NWD2: variants seen among roughly 807,000 people sequenced by gnomAD.
NWD2 encodes NACHT and WD repeat domain-containing protein 2.
A neutral mutation model predicts 132.7 loss-of-function variants in NWD2; 37 were observed. The ratio of observed to expected loss-of-function variants is 0.28; its 90% CI spans 0.21 to 0.37. The LOEUF (loss-of-function observed/expected upper bound fraction) is 0.37, where lower values mean the gene tolerates loss of function less well. Ranked by LOEUF, NWD2 falls within the 10% of genes least tolerant of loss-of-function variation. The pLI is 1.00. For synonymous variants in NWD2, 705 were observed against 803.0 expected (o/e 0.88, Z 2.06); for missense variants, 1,592 against 2,122.4 (o/e 0.75, Z 4.91).
chr4:37,386,269 C>G (rs548270751), intron 3 of NWD2, among the ~76,000 whole-genome samples: 5 of 150,220 alleles, frequency 3.3e-5, no homozygotes, highest in Admixed American at 3.3e-4. Context: ...AACTACAGTA[C>G]ACACACACAC....
At chr4:37,414,915 TAAGGGAGCAC>T (rs1711543495) in intron 3 of NWD2, among the ~76,000 whole-genome samples, 1 of 152,178 alleles carries the variant, frequency 6.6e-6, no homozygotes, top group Non-Finnish European at 1.5e-5. Context: ...ATTTTACAGA[TAAGGGAGCAC>T]ACTGGAGCAC....
chr4:37,380,341 T>C (rs2109308274), intron 3 of NWD2, among the ~76,000 whole-genome samples: 2 of 152,334 alleles, frequency 1.3e-5, no homozygotes, highest in South Asian at 4.1e-4. Context: ...AGATGTTATT[T>C]TGGGGGAGAC....
chr4:37,425,907 A>G (rs554799266), intron 3 of NWD2, among the ~76,000 whole-genome samples: 2 of 152,296 alleles, frequency 1.3e-5, no homozygotes, highest in South Asian at 2.1e-4. Context: ...GATCTAACGA[A>G]TAGTCTAATT....
At chr4:37,442,894 G>A (rs956468977) in intron 6 of NWD2, among the ~76,000 whole-genome samples, 11 of 151,456 alleles carry the variant, frequency 7.3e-5, no homozygotes, top group African/African-American at 2.4e-4. Flanking sequence ...ACTTACAAAG[G>A]ACCTACTGTG....
chr4:37,387,737 C>T (rs1049093731), intron 3 of NWD2, among the ~76,000 whole-genome samples: 6 of 141,904 alleles, frequency 4.2e-5, no homozygotes, highest in South Asian at 2.2e-4. Flanking sequence ...TGCAATGGCG[C>T]GATCTTGGCT....
chr4:37,413,792 TA>T (rs1214978365), intron 3 of NWD2, among the ~76,000 whole-genome samples: 2 of 152,004 alleles, frequency 1.3e-5, no homozygotes, highest in African/African-American at 2.4e-5. Context: ...TATGCAGCCA[TA>T]AAAAAGGATG....
At chr4:37,386,928 C>T (rs13112560) in intron 3 of NWD2, among the ~76,000 whole-genome samples, 12,219 of 152,166 alleles carry the variant, frequency 0.08, 535 homozygotes, top group Middle Eastern at 0.2. Context: ...ATTGAAAGCT[C>T]CCTGAAGCCT....
chr4:37,368,507 A>T (rs1412607736), intron 3 of NWD2, among the ~76,000 whole-genome samples: 1 of 152,184 alleles, frequency 6.6e-6, no homozygotes, highest in Non-Finnish European at 1.5e-5. Context: ...CACCCACTTA[A>T]ACAGAAAGAG....
chr4:37,279,880 ATAGAGAAGCCTTCCTT>A (rs1383818675), intron 1 of NWD2, among the ~76,000 whole-genome samples: 2 of 152,236 alleles, frequency 1.3e-5, no homozygotes, highest in Non-Finnish European at 2.9e-5. Context: ...AGAAGAATGA[ATAGAGAAGCCTTCCTT>A]TATCATTTCA....
intron 2 of NWD2, among the ~76,000 whole-genome samples, chr4:37,330,360 G>T (rs1719266545): frequency 6.6e-6 from 1 of 152,138 alleles, no homozygotes; most frequent in Non-Finnish European, 1.5e-5. Context: ...TATGTTATTT[G>T]ATTTGCAGGT....
chr4:37,325,492 G>A (rs1166177703), intron 1 of NWD2, among the ~76,000 whole-genome samples: 1 of 151,916 alleles, frequency 6.6e-6, no homozygotes, highest in Non-Finnish European at 1.5e-5. Flanking sequence ...GGTGTAGTCT[G>A]GGATGTTTTT....
At chr4:37,315,891 C>T (rs1370951993) in intron 1 of NWD2, among the ~76,000 whole-genome samples, 1 of 152,000 alleles carries the variant, frequency 6.6e-6, no homozygotes, top group Admixed American at 6.6e-5. Flanking sequence ...ATTTATCACA[C>T]TTTAGATGAA....
intron 1 of NWD2, among the ~76,000 whole-genome samples, chr4:37,252,887 G>A (rs1717407486): frequency 6.6e-6 from 1 of 152,144 alleles, no homozygotes; most frequent in Non-Finnish European, 1.5e-5. Flanking sequence ...CAAGTTATCA[G>A]TCTAGTCTAG....
intron 1 of NWD2, among the ~76,000 whole-genome samples, chr4:37,293,116 C>CATTTCTTATTA (rs1441565217): frequency 6.6e-6 from 1 of 152,206 alleles, no homozygotes; most frequent in Non-Finnish European, 1.5e-5. Flanking sequence ...CTTTCTTTTT[C>CATTTCTTATTA]AACAAAATGT....
intron 1 of NWD2, among the ~76,000 whole-genome samples, chr4:37,312,935 A>G (rs1446567286): frequency 1.3e-5 from 2 of 151,100 alleles, no homozygotes; most frequent in African/African-American, 4.9e-5. Flanking sequence ...TACATTTATT[A>G]ATTTGTGTAT....
intron 2 of NWD2, among the ~76,000 whole-genome samples, chr4:37,335,029 T>C (rs73807495): frequency 0.01 from 1,579 of 152,226 alleles, 35 homozygotes; most frequent in African/African-American, 0.036. Flanking sequence ...AAACTCTTAA[T>C]CTACTTTACC....
intron 2 of NWD2, among the ~76,000 whole-genome samples, chr4:37,345,909 C>T (rs891387108): frequency 7.9e-5 from 12 of 151,914 alleles, no homozygotes; most frequent in East Asian, 3.9e-4. Context: ...GGCAAAATCC[C>T]GTCTCTACTA....
chr4:37,272,567 G>C (rs531661579), intron 1 of NWD2, among the ~76,000 whole-genome samples: 2 of 151,674 alleles, frequency 1.3e-5, no homozygotes, highest in Non-Finnish European at 3.0e-5. Context: ...GCATAAAATT[G>C]TGCATATTCG....
At chr4:37,371,078 C>CTT (rs11378524) in intron 3 of NWD2, among the ~76,000 whole-genome samples, 37,980 of 119,348 alleles carry the variant, frequency 0.32, 7,606 homozygotes, top group East Asian at 0.64. Context: ...TTTTCTTTTT[C>CTT]TTTTTTTTTT....
Sources: gnomAD v4.1 joint callset for allele counts (sites outside exome capture counted in the v4.1 genomes callset) on GRCh38, gnomAD v4.1.1 for gene constraint, MANE v1.5 for transcripts, NCBI Gene and HGNC (gene_info 2026-07-23, HGNC 2026-07-21) for gene names.